Variants in DIAPH2 observed in about 807,000 individuals in gnomAD.
The protein encoded by DIAPH2 is protein diaphanous homolog 2.
In DIAPH2, 35 loss-of-function variants were observed where a neutral mutation model predicts 92.7. That is an observed-to-expected ratio of 0.38 (90% confidence interval 0.29 to 0.50). The LOEUF (loss-of-function observed/expected upper bound fraction) is 0.50, where lower values mean the gene tolerates loss of function less well. DIAPH2 is among the 20% of genes least tolerant of loss of function. The probability of loss-of-function intolerance (pLI) is 0.94; values close to 1 mark genes in which losing one functional copy is unlikely to be tolerated. For synonymous variants in DIAPH2, 301 were observed against 280.4 expected, an observed-to-expected ratio of 1.07 and a Z score of -0.73; for missense variants, 701 against 819.5, an observed-to-expected ratio of 0.86 and a Z score of 1.77.
chrX:97,323,918 A>T (rs778319054), intron 23 of DIAPH2, among the ~76,000 whole-genome samples: 24 of 109,609 alleles, frequency 2.2e-4, no homozygotes, highest in Non-Finnish European at 4.0e-4. Flanking sequence ...AAAAAAAAAA[A>T]AAAAAAATAA....
chrX:96,961,969 T>C (rs1235315977), intron 16 of DIAPH2, among the ~76,000 whole-genome samples: 1 of 109,415 alleles, frequency 9.1e-6, no homozygotes, highest in Non-Finnish European at 1.9e-5. Flanking sequence ...ATGTTTCTTA[T>C]GCTGATGGGA....
chrX:97,525,737 T>C (rs1292322374), intron 26 of DIAPH2, among the ~76,000 whole-genome samples: 3 of 112,214 alleles, frequency 2.7e-5, no homozygotes, highest in Non-Finnish European at 5.6e-5. Context: ...AACCTTATAA[T>C]TTATTAGGAG....
rs745946837 is a variant in DIAPH2 at position 97,253,484 on chromosome X, A to G, written c.2844+5645A>G. 2.8e-3 allele frequency among the ~76,000 whole-genome samples: 305 copies of G among 110,646 alleles called. 1 individual carries two copies. Among genetic ancestry groups the G allele is most frequent in the Non-Finnish European group, 4.3e-3 (229 of 52,934 alleles). On this transcript the variant is annotated intron_variant, in intron 23 of 26. Transcript: ENST00000324765. ...AGTAGTAGGCCGGGCACAGTGGCTCATGCCTGTAATTCCAGCACTTTGGGA... is the reference window on the plus strand; with the variant it reads ...AGTAGTAGGCCGGGCACAGTGGCTCGTGCCTGTAATTCCAGCACTTTGGGA...
Position 97,472,942 on chromosome X carries a change from T to C in DIAPH2, c.3241+43197T>C, listed in dbSNP as rs1468755229. Among the ~76,000 whole-genome samples, 4 of 112,025 alleles carry C rather than the reference T, an allele frequency of 3.6e-5. 1 individual carries two copies. The highest frequency in any genetic ancestry group is 7.5e-5 in the Non-Finnish European group (4 of 53,202). ...CACATTTCTCTATCCTGGTTTATGT[T>C]ATTTCTCTCAACTGGAGTGCTCTTT... On this transcript the variant is annotated intron_variant, in intron 26 of 26. Transcript: ENST00000324765.
intron 25 of DIAPH2, among the ~76,000 whole-genome samples, chrX:97,399,049 T>C (rs1488950969): frequency 1.8e-5 from 2 of 111,494 alleles, no homozygotes; most frequent in Non-Finnish European, 1.9e-5. Context: ...CGGCCGGATG[T>C]GATTTTTTTT....
chrX:97,275,380 C>A (rs1337843405), intron 23 of DIAPH2, among the ~76,000 whole-genome samples: 1 of 103,766 alleles, frequency 9.6e-6, no homozygotes, highest in African/African-American at 3.6e-5. Context: ...CTGCCCCCCC[C>A]ACCTCCCTCC....
chrX:97,061,886 A>AT (rs199921541), intron 17 of DIAPH2, among the ~76,000 whole-genome samples: 2,976 of 101,821 alleles, frequency 0.029, 114 homozygotes, highest in African/African-American at 0.1. Flanking sequence ...GATTATTATT[A>AT]TTTTTTCTTT....
At chrX:96,927,451 G>C (rs1316861974) in intron 9 of DIAPH2, among the ~76,000 whole-genome samples, 1 of 109,812 alleles carries the variant, frequency 9.1e-6, no homozygotes. Context: ...AGGTTTCAGA[G>C]ATTAGGCCAG....
In DIAPH2 at chrX:97,286,295, C is replaced by T. The variant is rs899865930; in HGVS notation, c.2844+38456C>T. Reference sequence around the variant, plus strand: ...CAAACTTCTGACCTTGTGATCTGCCCGCCTCAGCCTCCCAAAGTGCTGGGA... The same window carrying T: ...CAAACTTCTGACCTTGTGATCTGCCTGCCTCAGCCTCCCAAAGTGCTGGGA... On this transcript the variant is annotated intron_variant, in intron 23 of 26. Coordinates refer to ENST00000324765, the MANE Select transcript of DIAPH2 (RefSeq NM_006729.5). 5.5e-5 allele frequency among the ~76,000 whole-genome samples: 6 copies of T among 108,199 alleles called. No individual in the cohort carries two copies. The East Asian group carries it at 1.5e-3, about 27-fold the overall frequency. 94.0% of individuals were successfully genotyped at this position (108,199 alleles called of 115,157 possible). A position where few individuals can be genotyped will look rare whatever the true frequency, so the allele number is the denominator to read the frequency against.
chrX:97,168,647 G>A (rs776516593), intron 22 of DIAPH2, among the ~76,000 whole-genome samples: 1 of 111,635 alleles, frequency 9.0e-6, no homozygotes, highest in South Asian at 3.8e-4. Flanking sequence ...AAACACATAT[G>A]CAAGTATCTC....
chrX:97,439,152 GCAC>G (rs1199197852), intron 26 of DIAPH2, among the ~76,000 whole-genome samples: 1 of 111,529 alleles, frequency 9.0e-6, no homozygotes, highest in African/African-American at 3.3e-5. Flanking sequence ...TAGGAGTTGG[GCAC>G]AGTGGCTCAC....
At chrX:97,572,959 G>A (rs141613011) in intron 26 of DIAPH2, among the ~76,000 whole-genome samples, 85 of 112,008 alleles carry the variant, frequency 7.6e-4, no homozygotes, top group African/African-American at 2.7e-3. Flanking sequence ...TCTTGGCCCT[G>A]CCCTACTTTT....
At chrX:97,400,188 G>A (rs1316060476) in intron 25 of DIAPH2, among the ~76,000 whole-genome samples, 1 of 112,241 alleles carries the variant, frequency 8.9e-6, no homozygotes, top group African/African-American at 3.2e-5. Context: ...GAACTCATTA[G>A]CAAAGATGCC....
intron 24 of DIAPH2, among the ~76,000 whole-genome samples, chrX:97,378,654 T>C (rs1463919873): frequency 8.9e-6 from 1 of 112,075 alleles, no homozygotes; most frequent in Non-Finnish European, 1.9e-5. Flanking sequence ...GAGGTTGCAG[T>C]AAGCTGAAAT....
At chrX:96,721,783 AT>A (rs974668088) in intron 1 of DIAPH2, among the ~76,000 whole-genome samples, 2 of 111,779 alleles carry the variant, frequency 1.8e-5, no homozygotes, top group Non-Finnish European at 3.8e-5. Context: ...GACAGAGAAC[AT>A]TATATGGTTC....
intron 13 of DIAPH2, among the ~76,000 whole-genome samples, chrX:96,944,347 C>T (rs2065725009): frequency 8.9e-6 from 1 of 111,931 alleles, no homozygotes; most frequent in South Asian, 3.7e-4. Flanking sequence ...AACAAACAAA[C>T]AAACCAGCTT....
chrX:97,312,345 C>CATTTTTTTTTTTTTTTTTTTT lies in DIAPH2; in HGVS notation c.2845-35771_2845-35770insATTTTTTTTTTTTTTTTTTTT, dbSNP rs202046146. Among the ~76,000 whole-genome samples, 12 of 54,945 alleles carry CATTTTTTTTTTTTTTTTTTTT rather than the reference C, an allele frequency of 2.2e-4. 3 individuals carry two copies. The highest frequency in any genetic ancestry group is 1.8e-4 in the Non-Finnish European group (6 of 32,558). 47.7% of individuals were successfully genotyped at this position (54,945 alleles called of 115,157 possible). A position where few individuals can be genotyped will look rare whatever the true frequency, so the allele number is the denominator to read the frequency against. The stretch of plus-strand genomic sequence containing the variant: ...TTGATCACTTTTGATCAATAGAATC[C>CATTTTTTTTTTTTTTTTTTTT]TTTTTTTTTTTTTTTTTTTTTTTTT... On this transcript the variant is annotated intron_variant, in intron 23 of 26. Transcript: ENST00000324765.
At chrX:97,490,171 A>G (rs1050736528) in intron 26 of DIAPH2, among the ~76,000 whole-genome samples, 7 of 110,776 alleles carry the variant, frequency 6.3e-5, no homozygotes, top group Non-Finnish European at 9.5e-5. Flanking sequence ...GAATATAACC[A>G]TTGCTTCGAG....
At chrX:96,805,621 G>C (rs1358658073) in intron 4 of DIAPH2, among the ~76,000 whole-genome samples, 1 of 111,227 alleles carries the variant, frequency 9.0e-6, no homozygotes, top group East Asian at 2.8e-4. Context: ...TTGTTTGACT[G>C]TCAGAGCTCT....
Sources: allele counts gnomAD v4.1 joint callset (sites outside exome capture counted in the v4.1 genomes callset), GRCh38; gene constraint gnomAD v4.1.1; transcripts MANE v1.5; gene names NCBI Gene and HGNC (gene_info 2026-07-23, HGNC 2026-07-21).